TAMM41: variants seen among roughly 807,000 people sequenced by gnomAD.
The protein encoded by TAMM41 is phosphatidate cytidylyltransferase, mitochondrial.
In TAMM41, 36 loss-of-function variants were observed where a neutral mutation model predicts 44.1. The observed-to-expected ratio is 0.82, with a 90% confidence interval of 0.63 to 1.08. TAMM41 has a LOEUF of 1.08. TAMM41 is among the 50% of genes least tolerant of loss of function. TAMM41 has a pLI of 0.00. For synonymous variants in TAMM41, 164 were observed against 153.1 expected (o/e 1.07, Z -0.53); for missense variants, 417 against 404.3 (o/e 1.03, Z -0.27).
chr3:11,814,798 T>C (rs536048807), intron 5 of TAMM41, among the ~76,000 whole-genome samples: 1 of 152,156 alleles, frequency 6.6e-6, no homozygotes, highest in East Asian at 1.9e-4. Flanking sequence ...CTGTTTCTAC[T>C]AAAAACACAA....
the TAMM41 span, among the ~76,000 whole-genome samples, chr3:11,767,626 ATTT>A: frequency 4.9e-5 from 3 of 60,688 alleles, no homozygotes; most frequent in Non-Finnish European, 9.2e-5. Context: ...CACGTTGTGC[ATTT>A]TTTTTTTTTT....
chr3:11,799,915 G>C (rs1478570943), intron 7 of TAMM41, among the ~76,000 whole-genome samples: 3 of 152,122 alleles, frequency 2.0e-5, no homozygotes, highest in Non-Finnish European at 4.4e-5. Flanking sequence ...AACCTTAAAG[G>C]CCAGAAGAGA....
chr3:11,799,306 G>T (rs769011440), intron 7 of TAMM41, among the ~76,000 whole-genome samples: 1 of 152,156 alleles, frequency 6.6e-6, no homozygotes, highest in African/African-American at 2.4e-5. Context: ...TCACAACCTG[G>T]TGAGGCAGGC....
rs117611115 is a variant in TAMM41, at chr3:11,805,984, T to C, written c.937+1849A>G. Among the ~76,000 whole-genome samples, 4 of 152,298 alleles carry C rather than the reference T, an allele frequency of 2.6e-5. No individual in the cohort carries two copies. The East Asian group carries it at 7.7e-4, about 29-fold the overall frequency. On this transcript the variant is annotated intron_variant, in intron 7 of 7. Transcript: ENST00000455809. ...CTGTTTTCATAATAGTGAATAAGTG[T>C]TACGAGATCTGATGGTTCTATAAAA...
intron 4 of TAMM41, among the ~76,000 whole-genome samples, chr3:11,828,838 G>A (rs1233851384): frequency 6.6e-6 from 1 of 152,164 alleles, no homozygotes; most frequent in Non-Finnish European, 1.5e-5. Context: ...TGTCTGTACT[G>A]GGATTTGGAG....
At chr3:11,778,695 G>A in the TAMM41 span, among the ~76,000 whole-genome samples, 1 of 152,014 alleles carries the variant, frequency 6.6e-6, no homozygotes, top group Admixed American at 6.6e-5. Flanking sequence ...CCTTCCTAGT[G>A]GGTGTGAGGT....
chr3:11,726,045 A>G, the TAMM41 span, among the ~76,000 whole-genome samples: 1 of 152,198 alleles, frequency 6.6e-6, no homozygotes, highest in Non-Finnish European at 1.5e-5. Context: ...CTCCCATGTC[A>G]TACTTCTAAG....
chr3:11,773,771 G>A, the TAMM41 span, among the ~76,000 whole-genome samples: 37 of 152,174 alleles, frequency 2.4e-4, no homozygotes, highest in Admixed American at 1.3e-4. Context: ...GCTAAATTGT[G>A]GTTCATACAA....
chr3:11,822,827 T>A (rs1299423479), intron 4 of TAMM41, among the ~76,000 whole-genome samples: 1 of 152,234 alleles, frequency 6.6e-6, no homozygotes, highest in Non-Finnish European at 1.5e-5. Context: ...GGGCGATTCA[T>A]TATGAATAAT....
intron 2 of TAMM41, among the ~76,000 whole-genome samples, chr3:11,840,350 A>G (rs1381478365): frequency 6.6e-6 from 1 of 151,790 alleles, no homozygotes; most frequent in Non-Finnish European, 1.5e-5. Flanking sequence ...CTTGCACCTC[A>G]GCCTCCTGAG....
At chr3:11,784,663 T>C in the TAMM41 span, among the ~76,000 whole-genome samples, 1 of 152,146 alleles carries the variant, frequency 6.6e-6, no homozygotes, top group East Asian at 1.9e-4. Flanking sequence ...ATAGGCTAGT[T>C]TCTAAATTAT....
At chr3:11,754,708 C>T in the TAMM41 span, among the ~76,000 whole-genome samples, 37 of 103,548 alleles carry the variant, frequency 3.6e-4, no homozygotes, top group African/African-American at 1.2e-3. Flanking sequence ...TCTCAGATCT[C>T]TTTTTTTTTT....
intron 5 of TAMM41, among the ~76,000 whole-genome samples, chr3:11,816,099 T>G (rs1405491689): frequency 6.6e-6 from 1 of 152,170 alleles, no homozygotes; most frequent in East Asian, 1.9e-4. Flanking sequence ...TTTTTTAAAT[T>G]CCCTTTTTAG....
the TAMM41 span, among the ~76,000 whole-genome samples, chr3:11,761,841 G>C: frequency 6.6e-6 from 1 of 151,360 alleles, no homozygotes; most frequent in Non-Finnish European, 1.5e-5. Context: ...CAGCTGCTTG[G>C]GAGGCTGAGG....
intron 4 of TAMM41, among the ~76,000 whole-genome samples, chr3:11,817,897 G>C (rs2078346977): frequency 6.6e-6 from 1 of 152,222 alleles, no homozygotes; most frequent in Non-Finnish European, 1.5e-5. Context: ...TTTTTAAATT[G>C]CAAGTGATGA....
chr3:11,737,478 G>C, the TAMM41 span, among the ~76,000 whole-genome samples: 1 of 151,672 alleles, frequency 6.6e-6, no homozygotes, highest in African/African-American at 2.4e-5. Context: ...CCACCACCAC[G>C]CCCAGCTAAT....
At chr3:11,831,656 T>G (rs1023446281) in intron 3 of TAMM41, among the ~76,000 whole-genome samples, 8 of 152,172 alleles carry the variant, frequency 5.3e-5, no homozygotes, top group Non-Finnish European at 1.2e-4. Context: ...AAAATAAATA[T>G]TAGAAAGCAA....
At chr3:11,834,541 A>ACTCAGAAACT (rs1559319207) in intron 3 of TAMM41, among the ~76,000 whole-genome samples, 1 of 152,204 alleles carries the variant, frequency 6.6e-6, no homozygotes, top group Non-Finnish European at 1.5e-5. Flanking sequence ...ACTTGGGAAA[A>ACTCAGAAACT]TATTAGTAAA....
intron 3 of TAMM41, among the ~76,000 whole-genome samples, chr3:11,837,132 T>C (rs768452275): frequency 6.6e-6 from 1 of 152,140 alleles, no homozygotes; most frequent in Non-Finnish European, 1.5e-5. Flanking sequence ...AGACAGCCCA[T>C]GCACATCAAT....
Sources: allele counts gnomAD v4.1 joint callset (sites outside exome capture counted in the v4.1 genomes callset), GRCh38; gene constraint gnomAD v4.1.1; transcripts MANE v1.5; gene names NCBI Gene and HGNC (gene_info 2026-07-23, HGNC 2026-07-21).